HERC6: variants seen among roughly 807,000 people sequenced by gnomAD.
HERC6 encodes the protein probable E3 ubiquitin-protein ligase HERC6.
Under a neutral mutation model 114.5 loss-of-function variants are expected in HERC6, and 101 were observed. The observed-to-expected ratio is 0.88, with a 90% CI of 0.75 to 1.04. The LOEUF is 1.04. Among genes scored for constraint, HERC6 ranks in the 50% least tolerant of loss-of-function variants. HERC6 has a pLI of 0.00. For synonymous variants in HERC6, 408 were observed against 436.2 expected, an observed-to-expected ratio of 0.94 and a Z score of 0.81; for missense variants, 1,133 against 1,230.9, an observed-to-expected ratio of 0.92 and a Z score of 1.19.
Position 88,442,400 on chromosome 4 carries a change from A to G in HERC6, c.3009A>G (p.Ala1003=). Residue 1003 remains alanine, a synonymous_variant, in exon 23 of 23, where the codon GCA becomes GCG. Coordinates refer to ENST00000264346, the MANE Select transcript of HERC6 (RefSeq NM_017912.4). The part of the protein sequence containing the change: ...KYSTMERMEE[A]LQVAINNNRG... ...CTACAATGGAAAGAATGGAGGAAGC[A>G]CTTCAAGTAGCCATCAACAACAACA... is the stretch of plus-strand genomic sequence containing the variant. 3 of 1,614,042 alleles carry G rather than the reference A, an allele frequency of 1.9e-6. No homozygotes were observed. The highest frequency in any genetic ancestry group is 2.5e-6 in the Non-Finnish European group (3 of 1,179,986).
chr4:88,387,954 G>A (rs1448945456), intron 3 of HERC6, among the ~76,000 whole-genome samples: 1 of 152,230 alleles, frequency 6.6e-6, no homozygotes, highest in Non-Finnish European at 1.5e-5. Context: ...GGTGAAAGGT[G>A]AGTTCTCATA....
At chr4:88,439,224 G>A (rs1204026791) in intron 20 of HERC6, among the ~76,000 whole-genome samples, 1 of 152,052 alleles carries the variant, frequency 6.6e-6, no homozygotes, top group Admixed American at 6.6e-5. Context: ...AAATGGAAGT[G>A]GGAGCTGGGC....
chr4:88,423,611 C>T (rs1737296570), intron 13 of HERC6, among the ~76,000 whole-genome samples: 1 of 152,086 alleles, frequency 6.6e-6, no homozygotes, highest in Non-Finnish European at 1.5e-5. Context: ...TAAATCTATG[C>T]CCTAAAAATT....
intron 1 of HERC6, among the ~76,000 whole-genome samples, chr4:88,380,629 A>G (rs1734268027): frequency 6.7e-6 from 1 of 148,950 alleles, no homozygotes; most frequent in Non-Finnish European, 1.5e-5. Context: ...AGGCAGGGGA[A>G]TCGCTTGAAC....
rs762065990 is a variant in HERC6 at position 88,417,452 on chromosome 4, CT to C, written c.1588del (p.Ser530LeufsTer2). 5.0e-6 allele frequency: 8 copies of C among 1,610,346 alleles called. No individual in the cohort carries two copies. In the South Asian group the frequency reaches 8.9e-5, roughly 18 times the overall value. On this transcript the variant is annotated frameshift_variant, in exon 13 of 23. Transcript: ENST00000264346. LOFTEE classifies it high-confidence loss of function. Reference protein sequence around the residue: ...LKKCWAFLQESSLNPLIQMLK... With the variant: ...LKKCWAFLQEXSLNPLIQMLK... The stretch of plus-strand genomic sequence containing the variant: ...AAGTGTTGGGCATTTTTGCAAGAAT[CT>C]TCTCTGAATCCGCTGATCCAGATGC...
chr4:88,388,084 A>G (rs1406734375), intron 3 of HERC6, among the ~76,000 whole-genome samples: 2 of 152,232 alleles, frequency 1.3e-5, no homozygotes, highest in African/African-American at 2.4e-5. Flanking sequence ...AATCTCTGAG[A>G]TATGTTAGCA....
intron 17 of HERC6, among the ~76,000 whole-genome samples, chr4:88,434,970 T>A (rs1738592991): frequency 1.3e-5 from 2 of 152,154 alleles, no homozygotes; most frequent in Admixed American, 6.6e-5. Flanking sequence ...ATTTTCACAA[T>A]TAAATAAATA....
chr4:88,390,105 G>A (rs983102208), intron 3 of HERC6, among the ~76,000 whole-genome samples: 1 of 148,460 alleles, frequency 6.7e-6, no homozygotes, highest in Non-Finnish European at 1.5e-5. Flanking sequence ...CTTGAAACCA[G>A]GAGGTGGAGT....
intron 12 of HERC6, among the ~76,000 whole-genome samples, chr4:88,416,392 G>A (rs531687902): frequency 2.7e-4 from 41 of 152,034 alleles, no homozygotes; most frequent in African/African-American, 9.6e-4. Flanking sequence ...TAATTATGAA[G>A]GCAATTAATC....
At chr4:88,423,331 G>T (rs1438548734) in intron 13 of HERC6, among the ~76,000 whole-genome samples, 1 of 151,888 alleles carries the variant, frequency 6.6e-6, no homozygotes, top group Non-Finnish European at 1.5e-5. Flanking sequence ...TAAATTCCTG[G>T]TAACTTGTTG....
intron 1 of HERC6, among the ~76,000 whole-genome samples, chr4:88,380,345 A>AT (rs1734230846): frequency 3.7e-5 from 1 of 27,242 alleles, no homozygotes; most frequent in African/African-American, 2.2e-4. Context: ...AAATATATAT[A>AT]TAATATAAAT....
At chr4:88,391,914 TCTTTC>T (rs1553913740) in intron 4 of HERC6, among the ~76,000 whole-genome samples, 4 of 151,890 alleles carry the variant, frequency 2.6e-5, no homozygotes, top group East Asian at 1.9e-4. Flanking sequence ...GCTAAGTTTT[TCTTTC>T]CTTTCCTTTC....
At chr4:88,395,974 G>T in intron 5 of HERC6, 41 bp from the exon 6 acceptor site, 4 of 1,542,308 alleles carry the variant, frequency 2.6e-6, no homozygotes, top group Non-Finnish European at 3.5e-6. Context: ...TAGTTACCTT[G>T]TTAAACCTGA....
chr4:88,387,603 T>G (rs888361541), intron 3 of HERC6, among the ~76,000 whole-genome samples: 1 of 152,194 alleles, frequency 6.6e-6, no homozygotes, highest in African/African-American at 2.4e-5. Flanking sequence ...CCAGGGCATA[T>G]CCCGTGGCCA....
intron 3 of HERC6, among the ~76,000 whole-genome samples, chr4:88,387,619 T>C (rs1734655441): frequency 6.6e-6 from 1 of 152,206 alleles, no homozygotes; most frequent in Non-Finnish European, 1.5e-5. Flanking sequence ...GGCCATTGTG[T>C]GATTCCTTCT....
intron 7 of HERC6, 166 bp from the exon 8 acceptor site, chr4:88,397,976 A>G (rs923298123): frequency 5.7e-5 from 31 of 543,868 alleles, no homozygotes; most frequent in Non-Finnish European, 9.8e-5. Flanking sequence ...TTTCAATATG[A>G]TGGGAGGGAA....
intron 5 of HERC6, among the ~76,000 whole-genome samples, chr4:88,394,055 T>A (rs979202509): frequency 1.4e-4 from 22 of 152,318 alleles, no homozygotes; most frequent in African/African-American, 5.3e-4. Context: ...TACCAATATC[T>A]AGACAGAGCC....
chr4:88,379,225 T>C, intron 1 of HERC6, 105 bp downstream of exon 1: 1 of 947,506 alleles, frequency 1.1e-6, no homozygotes, highest in Non-Finnish European at 1.5e-6. Context: ...GGGACCCGGG[T>C]GAGGGGCGCG....
chr4:88,378,892 C>T lies in HERC6; in HGVS notation c.-30C>T. ...CCTGTCGCAGCGGGACCGACGGAAT[C>T]CGGAGCAGGCGACAGGGCGCAGAAG... On this transcript the variant is annotated 5_prime_UTR_variant, in exon 1 of 23. Coordinates refer to ENST00000264346, the MANE Select transcript of HERC6 (RefSeq NM_017912.4). 6.5e-7 allele frequency: 1 copy of T among 1,545,620 alleles called. No individual in the cohort carries two copies. The highest frequency in any genetic ancestry group is 8.7e-7 in the Non-Finnish European group (1 of 1,145,604).
Sources: allele counts gnomAD v4.1 joint callset (sites outside exome capture counted in the v4.1 genomes callset), GRCh38; gene constraint gnomAD v4.1.1; transcripts MANE v1.5; gene names NCBI Gene and HGNC (gene_info 2026-07-23, HGNC 2026-07-21).